The following MYO18B variants were observed in gnomAD, a reference collection of about 807,000 sequenced individuals.
MYO18B encodes unconventional myosin-XVIIIb.
A neutral mutation model predicts 273.0 loss-of-function variants in MYO18B; 204 were observed. The observed-to-expected ratio is 0.75, with a 90% CI of 0.67 to 0.84. The LOEUF is 0.84. Among genes scored for constraint, MYO18B ranks in the 40% least tolerant of loss-of-function variants. MYO18B has a pLI of 0.00. For synonymous variants in MYO18B, 1,330 were observed against 1,305.7 expected (o/e 1.02, Z -0.40); for missense variants, 3,212 against 3,287.6 (o/e 0.98, Z 0.56).
At chr22:25,919,518 A>C (rs2092309895) in intron 33 of MYO18B, among the ~76,000 whole-genome samples, 1 of 152,252 alleles carries the variant, frequency 6.6e-6, no homozygotes, top group South Asian at 2.1e-4. Flanking sequence ...TGACACTTAA[A>C]ACTGTCTATA....
chr22:25,967,612 A>T (rs1198670122), intron 39 of MYO18B, among the ~76,000 whole-genome samples: 4 of 152,168 alleles, frequency 2.6e-5, no homozygotes, highest in Non-Finnish European at 5.9e-5. Context: ...GCTGGTTTGG[A>T]ATTCAAAGTG....
chr22:25,848,103 G>A (rs967408027), intron 20 of MYO18B, among the ~76,000 whole-genome samples: 1 of 152,078 alleles, frequency 6.6e-6, no homozygotes, highest in Non-Finnish European at 1.5e-5. Context: ...AGAAAACTAG[G>A]GCTGTGTCTT....
At chr22:25,756,010 G>A (rs2086108787) in intron 1 of MYO18B, among the ~76,000 whole-genome samples, 1 of 151,430 alleles carries the variant, frequency 6.6e-6, no homozygotes. Flanking sequence ...CCATACTTTT[G>A]CCTCAGCCTC....
the MYO18B span, among the ~76,000 whole-genome samples, chr22:26,039,954 G>A: frequency 6.6e-6 from 1 of 152,218 alleles, no homozygotes; most frequent in Non-Finnish European, 1.5e-5. Flanking sequence ...CCTCCTGAGT[G>A]GCTGGGACTA....
chr22:26,036,396 G>T, the MYO18B span, among the ~76,000 whole-genome samples: 2 of 152,164 alleles, frequency 1.3e-5, no homozygotes, highest in African/African-American at 4.8e-5. Context: ...CACTGTGCTT[G>T]GTGATATTCA....
At chr22:25,823,401 C>T (rs1601805197) in intron 12 of MYO18B, 104 bp from the exon 13 acceptor site, 1 of 1,287,130 alleles carries the variant, frequency 7.8e-7, no homozygotes, top group Non-Finnish European at 1.1e-6. Context: ...GGAGGCTGGC[C>T]TGGAGATTGG....
At chr22:25,887,149 T>C (rs970061062) in intron 25 of MYO18B, among the ~76,000 whole-genome samples, 2 of 152,202 alleles carry the variant, frequency 1.3e-5, no homozygotes, top group Non-Finnish European at 2.9e-5. Context: ...GAGGACAGGA[T>C]CAAGCCAAGA....
intron 12 of MYO18B, among the ~76,000 whole-genome samples, chr22:25,807,090 T>C (rs2088513255): frequency 1.3e-5 from 2 of 152,230 alleles, no homozygotes; most frequent in South Asian, 2.1e-4. Flanking sequence ...ATGGGCTTGG[T>C]GAGGGTTGTT....
chr22:25,773,714 C>T (rs1041094281), intron 7 of MYO18B, among the ~76,000 whole-genome samples: 20 of 152,302 alleles, frequency 1.3e-4, no homozygotes, highest in African/African-American at 2.6e-4. Flanking sequence ...CCGCCCGCCT[C>T]GGCCTCCCAA....
chr22:25,842,656 G>A (rs1392401825), intron 17 of MYO18B, among the ~76,000 whole-genome samples: 1 of 131,918 alleles, frequency 7.6e-6, no homozygotes. Context: ...TGGGTGACAA[G>A]AGTGAAACTC....
intron 43 of MYO18B, among the ~76,000 whole-genome samples, chr22:26,028,020 G>T (rs1227479261): frequency 1.3e-5 from 2 of 152,102 alleles, no homozygotes; most frequent in African/African-American, 2.4e-5. Flanking sequence ...AAGGCGGGTG[G>T]ATCACCTAAG....
chr22:26,003,690 G>C (rs936494315), intron 41 of MYO18B, among the ~76,000 whole-genome samples: 8 of 152,064 alleles, frequency 5.3e-5, no homozygotes, highest in African/African-American at 1.9e-4. Context: ...CTATGTGTAC[G>C]TGATTCCTTC....
chr22:25,947,497 C>G lies in MYO18B; in HGVS notation c.5632-215C>G, dbSNP rs2072005. Among the ~76,000 whole-genome samples, 2,776 of 92,136 alleles carry G rather than the reference C, an allele frequency of 0.03. 85 individuals carry two copies. Among genetic ancestry groups the G allele is most frequent in the African/African-American group, 0.11 (2,460 of 22,278 alleles). The allele number at this position is 92,136 out of a possible 152,430, so 60.4% of individuals were successfully genotyped here. On this transcript the variant is annotated intron_variant, in intron 35 of 43. Transcript: ENST00000335473. ...ACATGTAATGCCTAATACACACACA[C>G]ACACACACACACACACACACACACA...
intron 40 of MYO18B, among the ~76,000 whole-genome samples, chr22:25,998,074 G>A (rs1933531573): frequency 1.3e-5 from 2 of 152,108 alleles, no homozygotes; most frequent in South Asian, 4.1e-4. Context: ...CCCATGTTGG[G>A]AATTAGATCT....
intron 31 of MYO18B, among the ~76,000 whole-genome samples, chr22:25,904,359 C>G (rs1235847859): frequency 1.3e-5 from 2 of 152,156 alleles, no homozygotes; most frequent in East Asian, 3.9e-4. Context: ...GCCCTAAGCT[C>G]TCCCCACACA....
Position 25,761,144 on chromosome 22 carries a change from C to T in MYO18B, c.39+13C>T, listed in dbSNP as rs1169708482. The T allele has an allele frequency of 1.2e-6, 2 of 1,612,944 alleles. No homozygotes were observed. The highest frequency in any genetic ancestry group is 8.5e-7 in the Non-Finnish European group (1 of 1,179,878). ...GTGGGAGCAGAAGGAAAGTGACACT[C>T]ATGGCTGGGGCTGCAGCCATCTGCA... On this transcript the variant is annotated intron_variant, in intron 2 of 43. Coordinates refer to ENST00000335473, the MANE Select transcript of MYO18B (RefSeq NM_032608.7).
intron 25 of MYO18B, among the ~76,000 whole-genome samples, chr22:25,885,331 A>T (rs149917153): frequency 6.6e-6 from 1 of 152,196 alleles, no homozygotes; most frequent in African/African-American, 2.4e-5. Flanking sequence ...ATTTGAACCC[A>T]GGGCTGGTCA....
chr22:25,833,090 A>G, intron 16 of MYO18B, 93 bp downstream of exon 16: 11 of 1,209,572 alleles, frequency 9.1e-6, no homozygotes, highest in Non-Finnish European at 1.3e-5. Flanking sequence ...CTAGTTGTCA[A>G]TGCCGTGTGC....
At chr22:25,753,241 G>T (rs1010642703) in intron 1 of MYO18B, among the ~76,000 whole-genome samples, 3 of 152,222 alleles carry the variant, frequency 2.0e-5, no homozygotes, top group Non-Finnish European at 2.9e-5. Context: ...GCGGGTGTGG[G>T]GGGGGCGGGG....
Sources: gnomAD v4.1 joint callset for allele counts (sites outside exome capture counted in the v4.1 genomes callset) on GRCh38, gnomAD v4.1.1 for gene constraint, MANE v1.5 for transcripts, NCBI Gene and HGNC (gene_info 2026-07-23, HGNC 2026-07-21) for gene names.